Variants in PDE3A observed in about 807,000 individuals in gnomAD.
PDE3A encodes cGMP-inhibited 3',5'-cyclic phosphodiesterase 3A.
Under a neutral mutation model 98.3 loss-of-function variants are expected in PDE3A, and 43 were observed. That is an observed-to-expected ratio of 0.44 (90% CI 0.34 to 0.56). The LOEUF (loss-of-function observed/expected upper bound fraction) is 0.56, where lower values mean the gene tolerates loss of function less well. Ranked by LOEUF, PDE3A falls within the 20% of genes least tolerant of loss-of-function variation. PDE3A has a pLI of 0.01. For synonymous variants in PDE3A, 663 were observed against 567.9 expected (o/e 1.17, Z -2.38); for missense variants, 1,427 against 1,440.7 (o/e 0.99, Z 0.15).
rs1591987180 is a variant in PDE3A at position 20,493,630 on chromosome 12, T to C, written c.961-63030T>C. On this transcript the variant is annotated intron_variant, in intron 1 of 15. Coordinates refer to ENST00000359062, the MANE Select transcript of PDE3A (RefSeq NM_000921.5). ...TTCACACTCACACCCATTCACAAAC[T>C]ACTTTTCTTTTTTTTTTGAGGTGGA... Among the ~76,000 whole-genome samples the C allele has an allele frequency of 4.0e-5, 6 of 151,854 alleles. 1 individual carries two copies. Among genetic ancestry groups the C allele is most frequent in the Admixed American group, 3.9e-4 (6 of 15,262 alleles).
chr12:20,656,131 G>A (rs1227336620), intron 15 of PDE3A, among the ~76,000 whole-genome samples: 1 of 152,162 alleles, frequency 6.6e-6, no homozygotes. Flanking sequence ...CATAGTATGT[G>A]ATTTCTGTCT....
In PDE3A at chr12:20,541,075, C is replaced by CTTTTTTTTT. The variant is rs777927679; in HGVS notation, c.961-15554_961-15546dup. Among the ~76,000 whole-genome samples the CTTTTTTTTT allele has an allele frequency of 7.7e-4, 41 of 52,984 alleles. 8 individuals carry two copies. The highest frequency in any genetic ancestry group is 1.2e-3 in the Non-Finnish European group (33 of 28,688). The allele number at this position is 52,984 out of a possible 152,430, so 34.8% of individuals were successfully genotyped here. A position where few individuals can be genotyped will look rare whatever the true frequency, so the allele number is the denominator to read the frequency against. On this transcript the variant is annotated intron_variant, in intron 1 of 15. Transcript: ENST00000359062. ...AATTGACAAGGACATTGGTAACTTT[C>CTTTTTTTTT]TTTTTTTTTTTTTTTTTTTTTTTTT...
rs536384475 is a variant in PDE3A, at chr12:20,401,286, G to A, written c.960+31042G>A. Among the ~76,000 whole-genome samples, 9 of 152,228 alleles carry A rather than the reference G, an allele frequency of 5.9e-5. No individual in the cohort carries two copies. The South Asian group carries it at 1.9e-3, about 32-fold the overall frequency. On this transcript the variant is annotated intron_variant, in intron 1 of 15. Coordinates refer to ENST00000359062, the MANE Select transcript of PDE3A (RefSeq NM_000921.5). ...CCACACTACATCTTCTTGATGTACAGCTCTAATCAGGCAGCAGTTTTGTTG... is the reference window on the plus strand; with the variant it reads ...CCACACTACATCTTCTTGATGTACAACTCTAATCAGGCAGCAGTTTTGTTG...
chr12:20,657,412 T>C (rs1444915949), intron 15 of PDE3A, among the ~76,000 whole-genome samples: 1 of 152,142 alleles, frequency 6.6e-6, no homozygotes, highest in Non-Finnish European at 1.5e-5. Flanking sequence ...AATACTTAGG[T>C]TTCAGAAAAA....
chr12:20,454,575 G>C (rs1460291232), intron 1 of PDE3A, among the ~76,000 whole-genome samples: 2 of 152,064 alleles, frequency 1.3e-5, no homozygotes, highest in Admixed American at 1.3e-4. Flanking sequence ...AGGCACTCAG[G>C]TATTGAGCCT....
intron 1 of PDE3A, among the ~76,000 whole-genome samples, chr12:20,512,518 G>T (rs889029091): frequency 1.3e-5 from 2 of 152,018 alleles, no homozygotes; most frequent in African/African-American, 2.4e-5. Context: ...TTTCAGCAGA[G>T]GAATCAGGTA....
At chr12:20,605,814 G>A (rs1001637856) in intron 2 of PDE3A, among the ~76,000 whole-genome samples, 9 of 152,112 alleles carry the variant, frequency 5.9e-5, no homozygotes, top group South Asian at 2.1e-4. Context: ...GTAGACTTAC[G>A]AAGAGAGGCT....
chr12:20,463,300 A>G lies in PDE3A; in HGVS notation c.960+93056A>G, dbSNP rs531824036. 4.6e-5 allele frequency among the ~76,000 whole-genome samples: 7 copies of G among 152,352 alleles called. No individual in the cohort carries two copies. The South Asian group carries it at 1.4e-3, about 32-fold the overall frequency. ...AAAACTTTCAACTCATCAGTGACAG[A>G]GCTGGAGATAAATATGTGCTGTCTG... On this transcript the variant is annotated intron_variant, in intron 1 of 15. Coordinates refer to ENST00000359062, the MANE Select transcript of PDE3A (RefSeq NM_000921.5).
chr12:20,647,011 C>G, intron 12 of PDE3A, 61 bp downstream of exon 12: 1 of 1,214,116 alleles, frequency 8.2e-7, no homozygotes, highest in Non-Finnish European at 1.2e-6. Context: ...AAGTGAAGTT[C>G]AGTGTGATTT....
At chr12:20,455,789 A>G (rs12311557) in intron 1 of PDE3A, among the ~76,000 whole-genome samples, 30,077 of 152,052 alleles carry the variant, frequency 0.2, 3,151 homozygotes, top group Admixed American at 0.29. Context: ...CAAAAACATT[A>G]AAAAGATTGG....
At chr12:20,411,672 T>TATAC (rs10623045) in intron 1 of PDE3A, among the ~76,000 whole-genome samples, 94,490 of 151,490 alleles carry the variant, frequency 0.62, 31,069 homozygotes, top group East Asian at 0.88. Context: ...ATAGTCTTTA[T>TATAC]ATACATGGCT....
chr12:20,465,326 T>C (rs1388932362), intron 1 of PDE3A, among the ~76,000 whole-genome samples: 2 of 152,332 alleles, frequency 1.3e-5, no homozygotes, highest in Admixed American at 6.5e-5. Flanking sequence ...GGTAAAATTT[T>C]CTACCAACTC....
At chr12:20,650,204 C>T (rs1944883683) in intron 13 of PDE3A, among the ~76,000 whole-genome samples, 1 of 151,858 alleles carries the variant, frequency 6.6e-6, no homozygotes, top group Admixed American at 6.6e-5. Context: ...TTTTGACACA[C>T]TCACCCTGTC....
chr12:20,377,141 G>C (rs1565529536), intron 1 of PDE3A, among the ~76,000 whole-genome samples: 1 of 151,630 alleles, frequency 6.6e-6, no homozygotes, highest in Non-Finnish European at 1.5e-5. Context: ...ATTTTCCCCT[G>C]GCAGAAAATT....
rs897909027 is a variant in PDE3A, at chr12:20,683,342, C to T, written c.*3071C>T. The T allele has an allele frequency of 3.3e-5, 5 of 152,082 alleles. No homozygotes were observed. The highest frequency in any genetic ancestry group is 7.4e-5 in the Non-Finnish European group (5 of 68,020). The allele number at this position is 152,082 out of a possible 1,614,324, so 9.4% of individuals were successfully genotyped here. ...GCAATTTACTACATTTTTATATGAG[C>T]CTATTTATAGGTGCCATTAAACTCA... On this transcript the variant is annotated 3_prime_UTR_variant, in exon 16 of 16. Transcript: ENST00000359062.
intron 1 of PDE3A, among the ~76,000 whole-genome samples, chr12:20,512,970 C>T (rs1200712449): frequency 6.6e-6 from 1 of 152,078 alleles, no homozygotes; most frequent in Non-Finnish European, 1.5e-5. Flanking sequence ...GTACTCTGGG[C>T]TTCCTATGAG....
At chr12:20,628,456 C>G (rs897246453) in intron 5 of PDE3A, among the ~76,000 whole-genome samples, 1 of 152,050 alleles carries the variant, frequency 6.6e-6, no homozygotes, top group Non-Finnish European at 1.5e-5. Context: ...TTTTACTTCC[C>G]CCTTGGATAG....
intron 1 of PDE3A, among the ~76,000 whole-genome samples, chr12:20,431,240 A>C (rs1944692535): frequency 6.6e-6 from 1 of 152,160 alleles, no homozygotes; most frequent in African/African-American, 2.4e-5. Context: ...GAATGAATGA[A>C]CCAAAAAGAA....
chr12:20,630,110 A>T lies in PDE3A; in HGVS notation c.1743A>T (p.Pro581=), dbSNP rs1331308485. The T allele has an allele frequency of 3.1e-6, 5 of 1,609,442 alleles. No homozygotes were observed. Among genetic ancestry groups the T allele is most frequent in the Non-Finnish European group, 4.3e-6 (5 of 1,175,922 alleles). Residue 581 remains proline (P), a synonymous_variant, in exon 6 of 16, where the codon CCA becomes CCT. Transcript: ENST00000359062. Reference sequence around the variant, plus strand: ...ACCTATCCCCTCAAATCCTGACTCCACCTGTTATATGTAGCAGGTAAGGAT... The same window carrying T: ...ACCTATCCCCTCAAATCCTGACTCCTCCTGTTATATGTAGCAGGTAAGGAT... ...APDLSPQILT[P]PVICSSCGRP... is the part of the protein sequence containing the mutation.
Sources: gnomAD v4.1 joint callset for allele counts (sites outside exome capture counted in the v4.1 genomes callset) on GRCh38, gnomAD v4.1.1 for gene constraint, MANE v1.5 for transcripts, NCBI Gene and HGNC (gene_info 2026-07-23, HGNC 2026-07-21) for gene names.